The following COG5 variants were observed in gnomAD, a reference collection of about 807,000 sequenced individuals.
The protein encoded by COG5 is component of oligomeric golgi complex 5.
COG5 carries 86 observed loss-of-function variants against 110.4 expected under a neutral mutation model. The ratio of observed to expected loss-of-function variants is 0.78; its 90% CI spans 0.65 to 0.93. The LOEUF (loss-of-function observed/expected upper bound fraction) is 0.93. Ranked by LOEUF, COG5 falls within the 40% of genes least tolerant of loss-of-function variation. COG5 has a pLI of 0.00. For synonymous variants in COG5, 360 were observed against 334.6 expected (o/e 1.08, Z -0.83); for missense variants, 1,077 against 987.0 (o/e 1.09, Z -1.22).
chr7:107,259,154 T>A (rs974352039), intron 14 of COG5, among the ~76,000 whole-genome samples: 15 of 151,460 alleles, frequency 9.9e-5, no homozygotes, highest in Admixed American at 2.0e-4. Flanking sequence ...AAAAAAAAAA[T>A]ATCAACCATT....
At position 107,395,222 on chromosome 7, in the gene COG5, A is replaced by T. The variant is rs1307481375; in HGVS notation, c.669+17280T>A. 2.0e-5 allele frequency among the ~76,000 whole-genome samples: 3 copies of T among 152,210 alleles called. No individual in the cohort carries two copies. The South Asian group carries it at 6.2e-4, about 32-fold the overall frequency. On this transcript the variant is annotated intron_variant, in intron 7 of 21. Coordinates refer to ENST00000297135, the MANE Select transcript of COG5 (RefSeq NM_006348.5). ...CTCAAAATGAAAAATAAGAAACCCCAGAATCACATTAAAAAGACGGGGAAA... is the reference window on the plus strand; with the variant it reads ...CTCAAAATGAAAAATAAGAAACCCCTGAATCACATTAAAAAGACGGGGAAA...
At chr7:107,515,934 A>G (rs957864196) in intron 6 of COG5, among the ~76,000 whole-genome samples, 1 of 152,248 alleles carries the variant, frequency 6.6e-6, no homozygotes, top group Non-Finnish European at 1.5e-5. Flanking sequence ...GTCTCTTGGC[A>G]GCCATGAATG....
At chr7:107,366,234 C>T (rs1254688813) in intron 8 of COG5, among the ~76,000 whole-genome samples, 2 of 151,824 alleles carry the variant, frequency 1.3e-5, no homozygotes, top group Admixed American at 6.6e-5. Flanking sequence ...GTGAAATAGG[C>T]AAGAGGAAAT....
intron 6 of COG5, among the ~76,000 whole-genome samples, chr7:107,460,181 T>G (rs923038020): frequency 6.6e-6 from 1 of 152,066 alleles, no homozygotes; most frequent in Non-Finnish European, 1.5e-5. Context: ...GGTTGGAGGA[T>G]TGCTTGAGTC....
intron 9 of COG5, 97 bp downstream of exon 9, chr7:107,362,211 A>G: frequency 3.0e-6 from 4 of 1,323,394 alleles, no homozygotes; most frequent in South Asian, 2.4e-5. Context: ...GGTATTTTGA[A>G]TGCTCATTGA....
intron 6 of COG5, among the ~76,000 whole-genome samples, chr7:107,508,625 C>T (rs1336909865): frequency 1.3e-5 from 2 of 152,158 alleles, no homozygotes; most frequent in Non-Finnish European, 2.9e-5. Context: ...CTGGGAGGCA[C>T]CCCCCAGTAG....
chr7:107,305,647 C>A (rs1328913669), intron 11 of COG5, among the ~76,000 whole-genome samples: 1 of 152,028 alleles, frequency 6.6e-6, no homozygotes, highest in Admixed American at 6.6e-5. Context: ...GGAGTCTCAT[C>A]TGAAGAGTCA....
At chr7:107,224,988 T>C (rs983516576) in intron 19 of COG5, among the ~76,000 whole-genome samples, 4 of 152,264 alleles carry the variant, frequency 2.6e-5, no homozygotes, top group Admixed American at 6.5e-5. Flanking sequence ...AAGTGCCCCC[T>C]GGCAGATGGC....
chr7:107,510,356 A>G, intron 6 of COG5, among the ~76,000 whole-genome samples: 1 of 152,220 alleles, frequency 6.6e-6, no homozygotes, highest in Non-Finnish European at 1.5e-5. Context: ...AACTATCCTA[A>G]ATGTATATGC....
intron 6 of COG5, among the ~76,000 whole-genome samples, chr7:107,517,038 G>A (rs1392511573): frequency 2.0e-5 from 3 of 152,190 alleles, no homozygotes; most frequent in African/African-American, 4.8e-5. Flanking sequence ...GCTTCAGAAG[G>A]TGGGTAATTA....
chr7:107,406,089 T>C (rs988741521), intron 7 of COG5, among the ~76,000 whole-genome samples: 1 of 152,234 alleles, frequency 6.6e-6, no homozygotes, highest in South Asian at 2.1e-4. Flanking sequence ...GGTTACTTTA[T>C]ACATCTAAAT....
chr7:107,321,850 C>G (rs190797362), intron 11 of COG5, among the ~76,000 whole-genome samples: 242 of 152,234 alleles, frequency 1.6e-3, no homozygotes, highest in African/African-American at 5.5e-3. Context: ...TTATTTAAAA[C>G]TTTGATAAAC....
rs1368099733 is a variant in COG5 at position 107,474,861 on chromosome 7, G to C, written c.538+52376C>G. The C allele has an allele frequency of 6.2e-7, 1 of 1,613,150 alleles. No individual in the cohort carries two copies. Among genetic ancestry groups the C allele is most frequent in the Non-Finnish European group, 8.5e-7 (1 of 1,179,490 alleles). On this transcript the variant is annotated intron_variant, in intron 6 of 21. Coordinates refer to ENST00000297135, the MANE Select transcript of COG5 (RefSeq NM_006348.5). This position sits in a 1 kb window ranked among gnomAD's most constrained non-coding sequence, Gnocchi z 5.7. Reference sequence around the variant, plus strand: ...CAATTTCTCTAACCACACAACATGAGGCTACAGACATGTCACAAAGCAGTG... The same window carrying C: ...CAATTTCTCTAACCACACAACATGACGCTACAGACATGTCACAAAGCAGTG...
At chr7:107,514,446 T>C (rs572393253) in intron 6 of COG5, among the ~76,000 whole-genome samples, 7 of 152,280 alleles carry the variant, frequency 4.6e-5, no homozygotes, top group African/African-American at 1.2e-4. Flanking sequence ...AATTATAATA[T>C]ACATTTAAAC....
chr7:107,354,226 A>C (rs1024807934), intron 10 of COG5, among the ~76,000 whole-genome samples: 3 of 152,246 alleles, frequency 2.0e-5, no homozygotes, highest in Non-Finnish European at 4.4e-5. Context: ...AAGCATGATC[A>C]ATAATTTAAA....
intron 14 of COG5, among the ~76,000 whole-genome samples, chr7:107,269,905 T>C (rs1214802021): frequency 6.6e-6 from 1 of 152,200 alleles, no homozygotes; most frequent in East Asian, 1.9e-4. Flanking sequence ...TCAGACTGGG[T>C]CACGAGGAAT....
chr7:107,365,876 C>A (rs759356615), intron 8 of COG5, among the ~76,000 whole-genome samples: 1 of 152,038 alleles, frequency 6.6e-6, no homozygotes, highest in African/African-American at 2.4e-5. Context: ...TTATTGTAGA[C>A]AACAAACCTA....
intron 1 of COG5, among the ~76,000 whole-genome samples, chr7:107,562,655 T>C (rs896270691): frequency 2.0e-5 from 3 of 152,212 alleles, no homozygotes; most frequent in African/African-American, 7.2e-5. Flanking sequence ...AGCCAAGTTT[T>C]AGACAGAGAC....
intron 6 of COG5, among the ~76,000 whole-genome samples, chr7:107,516,947 CT>C (rs1208807296): frequency 6.6e-6 from 1 of 152,172 alleles, no homozygotes; most frequent in East Asian, 1.9e-4. Context: ...AATGCGTCTT[CT>C]CCTCCAAATG....
Sources: allele counts gnomAD v4.1 joint callset (sites outside exome capture counted in the v4.1 genomes callset), GRCh38; gene constraint gnomAD v4.1.1; non-coding constraint Gnocchi (gnomAD v3.1); transcripts MANE v1.5; gene names NCBI Gene and HGNC (gene_info 2026-07-23, HGNC 2026-07-21).